Variants in CAPN3 observed in about 807,000 individuals in gnomAD.
The protein encoded by CAPN3 is calpain 3, also known as calpain-3.
A neutral mutation model predicts 114.0 loss-of-function variants in CAPN3; 88 were observed. That is an observed-to-expected ratio of 0.77 (90% CI 0.65 to 0.92). The LOEUF is 0.92. CAPN3 is among the 40% of genes least tolerant of loss of function. The probability of loss-of-function intolerance (pLI) is 0.00; values close to 1 mark genes in which losing one functional copy is unlikely to be tolerated. For synonymous variants in CAPN3, 386 were observed against 382.9 expected (o/e 1.01, Z -0.09); for missense variants, 1,028 against 1,069.0 (o/e 0.96, Z 0.53).
intron 16 of CAPN3, 34 bp downstream of exon 16, chr15:42,408,358 G>A: frequency 7.3e-7 from 1 of 1,362,530 alleles, no homozygotes; most frequent in Non-Finnish European, 1.1e-6. Context: ...GGGGTGGCCA[G>A]CACGCTACAG....
intron 6 of CAPN3, 85 bp downstream of exon 6, chr15:42,390,181 C>T: frequency 1.3e-6 from 2 of 1,494,890 alleles, no homozygotes; most frequent in Non-Finnish European, 1.9e-6. Context: ...CCCTCAGCAG[C>T]CAGGGCCTTA....
In CAPN3 at chr15:42,412,286, TG is replaced by T; in HGVS notation, c.*514del. 8.7e-7 allele frequency: 1 copy of T among 1,154,598 alleles called. No homozygotes were observed. 71.5% of individuals were successfully genotyped at this position (1,154,598 alleles called of 1,614,324 possible). On this transcript the variant is annotated 3_prime_UTR_variant, in exon 24 of 24. Transcript: ENST00000397163. Reference sequence around the variant, plus strand: ...AGTTTGGCTGCATTTTGAAAAAAGCTGATCTAAATAAAGGCATGTGTATGGC... The same window carrying T: ...AGTTTGGCTGCATTTTGAAAAAAGCTATCTAAATAAAGGCATGTGTATGGC...
At chr15:42,363,007 T>C (rs2141109158) in intron 1 of CAPN3, among the ~76,000 whole-genome samples, 1 of 152,330 alleles carries the variant, frequency 6.6e-6, no homozygotes, top group South Asian at 2.1e-4. Context: ...TTTATTATAA[T>C]TACAGTGATA....
intron 14 of CAPN3, chr15:42,404,873 C>T (rs2053974776): frequency 9.5e-7 from 1 of 1,048,356 alleles, no homozygotes; most frequent in Admixed American, 4.9e-5. Flanking sequence ...GGGATCTGTT[C>T]TGGTCATCTG....
chr15:42,387,169 G>A (rs1032901982), intron 3 of CAPN3, among the ~76,000 whole-genome samples: 4 of 152,170 alleles, frequency 2.6e-5, no homozygotes, highest in African/African-American at 9.7e-5. Context: ...CCATTGAAAA[G>A]GAGACTAAAC....
intron 17 of CAPN3, 23 bp downstream of exon 17, chr15:42,409,403 C>T (rs192335718): frequency 1.4e-5 from 22 of 1,594,930 alleles, no homozygotes; most frequent in African/African-American, 8.0e-5. Flanking sequence ...AAGCCCAGGA[C>T]GCCCACAGGT....
intron 10 of CAPN3, 91 bp from the exon 11 acceptor site, chr15:42,401,550 G>A (rs1418215614): frequency 1.7e-6 from 2 of 1,143,776 alleles, no homozygotes; most frequent in African/African-American, 1.5e-5. Context: ...CCTAGATGTA[G>A]GGAATAGAAA....
intron 18 of CAPN3, 39 bp downstream of exon 18, chr15:42,409,883 G>GCCCGCCCCCC: frequency 1.8e-6 from 1 of 559,672 alleles, no homozygotes; most frequent in Non-Finnish European, 3.5e-6. Context: ...GGTGGGTGGG[G>GCCCGCCCCCC]AGTCCCGTTG....
At chr15:42,402,033 C>T (rs367789311) in intron 11 of CAPN3, 91 bp from the exon 12 acceptor site, 1,611 of 1,540,724 alleles carry the variant, frequency 1.0e-3, no homozygotes, top group Non-Finnish European at 1.1e-3. Context: ...GTCAGGCTTC[C>T]GCATGCGGGC....
intron 14 of CAPN3, chr15:42,404,408 G>T (rs28364500): frequency 0.034 from 15,690 of 456,488 alleles, 1,417 homozygotes; most frequent in African/African-American, 0.23. Flanking sequence ...TTGCAAGGTT[G>T]CTGAGAGGTA....
intron 1 of CAPN3, among the ~76,000 whole-genome samples, chr15:42,376,455 C>A (rs1302719438): frequency 1.3e-5 from 2 of 151,854 alleles, no homozygotes; most frequent in Non-Finnish European, 2.9e-5. Flanking sequence ...TAATCCAATA[C>A]TGCTTTATTT....
At position 42,380,368 on chromosome 15, in the gene CAPN3, C is replaced by CTTTTTTTTTTTT. The variant is rs776441239; in HGVS notation, c.310-4097_310-4086dup. On this transcript the variant is annotated intron_variant, in intron 1 of 23. Coordinates refer to ENST00000397163, the MANE Select transcript of CAPN3 (RefSeq NM_000070.3). ...TATCCTTTTACCTCTTCTTTTTTGT[C>CTTTTTTTTTTTT]TTTTTTTTTTTTTTTTTTTTTTTTT... Among the ~76,000 whole-genome samples the CTTTTTTTTTTTT allele has an allele frequency of 4.5e-3, 208 of 46,108 alleles. 13 individuals carry two copies. Among genetic ancestry groups the CTTTTTTTTTTTT allele is most frequent in the Non-Finnish European group, 6.5e-3 (170 of 26,018 alleles). The allele number at this position is 46,108 out of a possible 152,430, so 30.2% of individuals were successfully genotyped here. A position where few individuals can be genotyped will look rare whatever the true frequency, so the allele number is the denominator to read the frequency against.
intron 14 of CAPN3, chr15:42,404,927 C>T (rs1279494421): frequency 4.0e-6 from 4 of 1,000,412 alleles, no homozygotes; most frequent in Non-Finnish European, 4.8e-6. Context: ...ACCTGCAAAC[C>T]CAAAAGCTTA....
At position 42,386,220 on chromosome 15, in the gene CAPN3, C is replaced by A; in HGVS notation, c.433C>A (p.Leu145Ile). The A allele has an allele frequency of 6.2e-7, 1 of 1,614,182 alleles. No homozygotes were observed. Among genetic ancestry groups the A allele is most frequent in the Non-Finnish European group, 8.5e-7 (1 of 1,180,008 alleles). ...IACLTLNQHL[L>I]FRVIPHDQSF... ...CTGCCTGACCCTGAACCAGCACCTT[C>A]TTTTCCGAGTCATACCCCATGATCA... Residue 145 changes from leucine (L) to isoleucine (I), a missense_variant, in exon 3 of 24, where the codon CTT becomes ATT. Transcript: ENST00000397163.
chr15:42,384,410 CA>C, intron 1 of CAPN3, 72 bp from the exon 2 acceptor site: 4 of 1,152,388 alleles, frequency 3.5e-6, no homozygotes, highest in Non-Finnish European at 3.9e-6. Flanking sequence ...GACTCCGTCT[CA>C]AAAAAATACC....
In CAPN3 at chr15:42,402,523, C is replaced by T. The variant is rs1390674801; in HGVS notation, c.1537-271C>T. ...TAGGCCTCCTTGGGGGTCCTTCCAG[C>T]CTGAGGGGCTTCGGAGCTGAGGAGC... is the stretch of plus-strand genomic sequence containing the variant. On this transcript the variant is annotated intron_variant, in intron 12 of 23. Coordinates refer to ENST00000397163, the MANE Select transcript of CAPN3 (RefSeq NM_000070.3). 13 of 1,441,246 alleles carry T rather than the reference C, an allele frequency of 9.0e-6. No homozygotes were observed. In the Admixed American group the frequency reaches 1.8e-4, roughly 20 times the overall value. 89.3% of individuals were successfully genotyped at this position (1,441,246 alleles called of 1,614,324 possible).
chr15:42,401,472 C>T (rs1216419564), intron 10 of CAPN3, among the ~76,000 whole-genome samples, 169 bp from the exon 11 acceptor site: 8 of 74,396 alleles, frequency 1.1e-4, no homozygotes, highest in Admixed American at 5.9e-4. Flanking sequence ...ATAAAGGTAG[C>T]GCCCCCCCCC....
intron 19 of CAPN3, 46 bp downstream of exon 19, chr15:42,410,041 G>C (rs766268339): frequency 1.3e-6 from 2 of 1,571,056 alleles, no homozygotes; most frequent in Admixed American, 3.3e-5. Context: ...ATCAGCCCAC[G>C]GGGGCCAAGG....
Position 42,384,526 on chromosome 15 carries a change from G to A in CAPN3, c.353G>A (p.Arg118Lys), listed in dbSNP as rs762580196. Residue 118 changes from arginine (R) to lysine (K), a missense_variant, in exon 2 of 24, where the codon AGA (arginine) becomes AAA (lysine). Transcript: ENST00000397163. ...CGATTTATCATTGATGGAGCCAACA[G>A]AACTGACATCTGTCAAGGAGAGCTA... Reference protein sequence around the residue: ...NPRFIIDGANRTDICQGELGD... With the variant: ...NPRFIIDGANKTDICQGELGD... 1 of 1,613,962 alleles carries A rather than the reference G, an allele frequency of 6.2e-7. No homozygotes were observed. Among genetic ancestry groups the A allele is most frequent in the Non-Finnish European group, 8.5e-7 (1 of 1,179,844 alleles).
Sources: allele counts gnomAD v4.1 joint callset (sites outside exome capture counted in the v4.1 genomes callset), GRCh38; gene constraint gnomAD v4.1.1; transcripts MANE v1.5; gene names NCBI Gene and HGNC (gene_info 2026-07-23, HGNC 2026-07-21).